The following GFOD2 variants were observed in gnomAD, a reference collection of about 807,000 sequenced individuals.
GFOD2 encodes the protein Gfo/Idh/MocA-like oxidoreductase domain containing 2, also known as glucose-fructose oxidoreductase domain-containing protein 2.
GFOD2 carries 9 observed loss-of-function variants against 24.6 expected under a neutral mutation model. The ratio of observed to expected loss-of-function variants is 0.37; its 90% CI spans 0.22 to 0.64. The LOEUF is 0.64. GFOD2 is among the 30% of genes least tolerant of loss of function. The probability of loss-of-function intolerance (pLI) is 0.65; values close to 1 mark genes in which losing one functional copy is unlikely to be tolerated. For synonymous variants in GFOD2, 211 were observed against 224.8 expected, an observed-to-expected ratio of 0.94 and a Z score of 0.55; for missense variants, 476 against 532.5, an observed-to-expected ratio of 0.89 and a Z score of 1.04.
Position 67,685,587 on chromosome 16 carries a change from C to G in GFOD2, c.129G>C (p.Gln43His). ...LWGKTEEEAK[Q>H]LAEEMNIAFY... ...AGGCGATGTTCATCTCCTCAGCAAG[C>G]TGCTTCGCCTCCTCCTCAGTCTTCC... Residue 43 changes from glutamine to histidine, a missense_variant, in exon 2 of 3, where the codon CAG (glutamine) becomes CAC (histidine). Gln to His is a conservative substitution (Grantham distance 24). Coordinates refer to ENST00000268797, the MANE Select transcript of GFOD2 (RefSeq NM_030819.4). 1 of 1,614,160 alleles carries G rather than the reference C, an allele frequency of 6.2e-7. No individual in the cohort carries two copies. Among genetic ancestry groups the G allele is most frequent in the South Asian group, 1.1e-5 (1 of 91,084 alleles).
intron 1 of GFOD2, among the ~76,000 whole-genome samples, chr16:67,715,084 C>T (rs574576766): frequency 1.3e-5 from 2 of 151,540 alleles, no homozygotes; most frequent in African/African-American, 2.4e-5. Context: ...TTGAGACGTA[C>T]TTTCGCTCTT....
At chr16:67,681,316 A>C in intron 2 of GFOD2, 2 of 985,402 alleles carry the variant, frequency 2.0e-6, no homozygotes, top group Non-Finnish European at 2.4e-6. Context: ...GACTTTTATG[A>C]CTGCTAGGAG....
chr16:67,682,227 G>A (rs28567568), intron 2 of GFOD2: 6,378 of 385,562 alleles, frequency 0.017, 251 homozygotes, highest in African/African-American at 0.1. Flanking sequence ...TAGTATAGAC[G>A]AGGTTTCACC....
chr16:67,706,835 T>C (rs534025757), intron 1 of GFOD2, among the ~76,000 whole-genome samples: 4 of 152,238 alleles, frequency 2.6e-5, no homozygotes, highest in Non-Finnish European at 4.4e-5. Flanking sequence ...AATCAGCAGA[T>C]GATGAGGTCA....
At chr16:67,691,154 G>A (rs956656936) in intron 1 of GFOD2, among the ~76,000 whole-genome samples, 11 of 152,114 alleles carry the variant, frequency 7.2e-5, no homozygotes, top group African/African-American at 2.7e-4. Context: ...GTGAGCCACT[G>A]TGCCTGGCCT....
chr16:67,684,819 G>A (rs919557357), intron 2 of GFOD2: 7 of 985,546 alleles, frequency 7.1e-6, no homozygotes, highest in Middle Eastern at 5.2e-4. Context: ...GAAGACCAAC[G>A]GGAACTGTAG....
intron 1 of GFOD2, among the ~76,000 whole-genome samples, chr16:67,696,319 C>CT (rs75590786): frequency 4.9e-4 from 65 of 133,906 alleles, no homozygotes; most frequent in South Asian, 1.2e-3. Context: ...GGCCGGGAAT[C>CT]TTTTTTTTTT....
chr16:67,718,992 T>A (rs558085685), intron 1 of GFOD2, among the ~76,000 whole-genome samples, 171 bp downstream of exon 1: 116 of 152,246 alleles, frequency 7.6e-4, no homozygotes, highest in African/African-American at 2.6e-3. Context: ...AAGGCGACCC[T>A]CCACTCCACG....
chr16:67,675,836 G>C lies in GFOD2; in HGVS notation c.477C>G (p.Ser159Arg). Residue 159 changes from serine (S) to arginine (R), a missense_variant, in exon 3 of 3, where the codon AGC becomes AGG. Coordinates refer to ENST00000268797, the MANE Select transcript of GFOD2 (RefSeq NM_030819.4). ...CATCACAGATCCAGCCATAGCTGGG[G>C]CTCAGCAGGCTGCCTGAGTAGATGC... Reference protein sequence around the residue: ...DARIYSGSLLSPSYGWICDEL... With the variant: ...DARIYSGSLLRPSYGWICDEL... 3 of 1,614,186 alleles carry C rather than the reference G, an allele frequency of 1.9e-6. No homozygotes were observed. Among genetic ancestry groups the C allele is most frequent in the Non-Finnish European group, 2.5e-6 (3 of 1,180,032 alleles).
chr16:67,687,362 C>T (rs988342874), intron 1 of GFOD2, among the ~76,000 whole-genome samples: 7 of 151,646 alleles, frequency 4.6e-5, no homozygotes, highest in African/African-American at 1.2e-4. Flanking sequence ...TTTATTAGGC[C>T]GGGTGCGGTG....
intron 2 of GFOD2, chr16:67,683,734 T>C (rs1266231541): frequency 2.4e-6 from 3 of 1,228,636 alleles, no homozygotes; most frequent in African/African-American, 1.6e-5. Flanking sequence ...TTCCTCAGAA[T>C]GAGGGAGGAG....
chr16:67,680,654 T>A, intron 2 of GFOD2: 1 of 892,014 alleles, frequency 1.1e-6, no homozygotes, highest in Non-Finnish European at 1.3e-6. Context: ...CTTACGTAGG[T>A]CTAAACTCCC....
intron 1 of GFOD2, among the ~76,000 whole-genome samples, chr16:67,709,645 T>G (rs867406490): frequency 3.9e-5 from 6 of 152,168 alleles, no homozygotes; most frequent in Non-Finnish European, 4.4e-5. Context: ...TAATGGAGTC[T>G]CACTCTGTCA....
At chr16:67,718,717 C>T (rs535494343) in intron 1 of GFOD2, among the ~76,000 whole-genome samples, 1 of 152,272 alleles carries the variant, frequency 6.6e-6, no homozygotes, top group East Asian at 1.9e-4. Flanking sequence ...AGATTTATCC[C>T]CAAAAGTCCC....
chr16:67,699,424 C>T (rs947478699), intron 1 of GFOD2, among the ~76,000 whole-genome samples: 1 of 152,026 alleles, frequency 6.6e-6, no homozygotes, highest in Non-Finnish European at 1.5e-5. Flanking sequence ...CCCAGGAATG[C>T]AAGGCTGGCT....
intron 1 of GFOD2, among the ~76,000 whole-genome samples, chr16:67,692,602 A>T (rs1404498404): frequency 6.6e-6 from 1 of 151,458 alleles, no homozygotes; most frequent in Non-Finnish European, 1.5e-5. Flanking sequence ...ACAAAACAAA[A>T]ACCCACACAC....
Position 67,685,812 on chromosome 16 carries a change from C to T in GFOD2, c.-87-10G>A, listed in dbSNP as rs956125440. On this transcript the variant is annotated splice_polypyrimidine_tract_variant and intron_variant, in intron 1 of 2. Coordinates refer to ENST00000268797, the MANE Select transcript of GFOD2 (RefSeq NM_030819.4). ...TGGTCAGACATGGCTCCTAGAATAG[C>T]AAACATTACACTGGTTATTACTGGA... is the stretch of plus-strand genomic sequence containing the variant. 5.7e-6 allele frequency: 8 copies of T among 1,393,786 alleles called. No individual in the cohort carries two copies. In the African/African-American group the frequency reaches 1.1e-4, roughly 20 times the overall value. The allele number at this position is 1,393,786 out of a possible 1,614,324, so 86.3% of individuals were successfully genotyped here.
At chr16:67,702,986 TTTAGAGGTCACTCACTCA>T (rs2053414555) in intron 1 of GFOD2, among the ~76,000 whole-genome samples, 2 of 152,180 alleles carry the variant, frequency 1.3e-5, no homozygotes, top group Non-Finnish European at 2.9e-5. Context: ...AATGGATAAC[TTTAGAGGTCACTCACTCA>T]TTAGGCAGCT....
intron 2 of GFOD2, chr16:67,684,806 A>G (rs2053253637): frequency 1.0e-6 from 1 of 985,648 alleles, no homozygotes; most frequent in African/African-American, 1.7e-5. Flanking sequence ...TTGACTGGAA[A>G]TAGAAGACCA....
Sources: allele counts gnomAD v4.1 joint callset (sites outside exome capture counted in the v4.1 genomes callset), GRCh38; gene constraint gnomAD v4.1.1; transcripts MANE v1.5; gene names NCBI Gene and HGNC (gene_info 2026-07-23, HGNC 2026-07-21).